The following ROCK1 variants were observed in gnomAD, a reference collection of about 807,000 sequenced individuals.
The protein encoded by ROCK1 is rho-associated protein kinase 1.
Under a neutral mutation model 196.8 loss-of-function variants are expected in ROCK1, and 36 were observed. The ratio of observed to expected loss-of-function variants is 0.18; its 90% confidence interval spans 0.14 to 0.24. ROCK1 has a LOEUF of 0.24. Ranked by LOEUF, ROCK1 falls within the 10% of genes least tolerant of loss-of-function variation. The pLI is 1.00. For synonymous variants in ROCK1, 443 were observed against 515.9 expected (o/e 0.86, Z 1.91); for missense variants, 920 against 1,562.0 (o/e 0.59, Z 6.93).
intron 7 of ROCK1, 134 bp downstream of exon 7, chr18:21,042,431 C>G: frequency 1.8e-6 from 2 of 1,086,690 alleles, no homozygotes; most frequent in East Asian, 2.6e-5. Context: ...ACATACGAAG[C>G]AGGTTTGGAT....
intron 12 of ROCK1, 69 bp from the exon 13 acceptor site, chr18:21,015,548 A>G: frequency 1.0e-6 from 1 of 976,700 alleles, no homozygotes; most frequent in Non-Finnish European, 1.6e-6. Flanking sequence ...AAACACTAAC[A>G]TTCCTTACTT....
Position 20,967,073 on chromosome 18 carries a change from A to G in ROCK1, c.3196T>C (p.Leu1066=), listed in dbSNP as rs141778124. 7.6e-5 allele frequency: 122 copies of G among 1,601,252 alleles called. No homozygotes were observed. Among genetic ancestry groups the G allele is most frequent in the Non-Finnish European group, 9.7e-5 (114 of 1,172,456 alleles). Residue 1066 remains leucine (L), a synonymous_variant, in exon 27 of 33, where the codon TTG becomes CTG. Coordinates refer to ENST00000399799, the MANE Select transcript of ROCK1 (RefSeq NM_005406.3). ...TTCCTATGTGCACATTCTTCTACCAATTGCTAATTTTGAAAAGTATCAAGA... is the reference window on the plus strand; with the variant it reads ...TTCCTATGTGCACATTCTTCTACCAGTTGCTAATTTTGAAAAGTATCAAGA... ...QKELNDMQAQ[L]VEECAHRNEL...
chr18:21,032,838 A>G (rs2036021455), intron 9 of ROCK1, among the ~76,000 whole-genome samples: 2 of 151,996 alleles, frequency 1.3e-5, no homozygotes, highest in South Asian at 2.1e-4. Context: ...GACAAATTAG[A>G]TAACTTAGAT....
chr18:21,043,458 A>C (rs114131782), intron 6 of ROCK1, among the ~76,000 whole-genome samples: 1,951 of 151,554 alleles, frequency 0.013, 39 homozygotes, highest in African/African-American at 0.045. Flanking sequence ...GTGTATATGA[A>C]GTGAAGGAAT....
intron 1 of ROCK1, among the ~76,000 whole-genome samples, chr18:21,081,937 T>C (rs1026167270): frequency 3.9e-5 from 6 of 152,146 alleles, no homozygotes; most frequent in African/African-American, 1.4e-4. Flanking sequence ...CAAACATTTA[T>C]GTATTTTTAT....
In ROCK1 at chr18:20,985,241, A is replaced by G. The variant is rs28628243; in HGVS notation, c.2305-706T>C. On this transcript the variant is annotated intron_variant, in intron 19 of 32. Transcript: ENST00000399799. ...TATTCAACTCAACAAATATTTCTGA[A>G]GTGTTTATTAGGTGTTGGGACCAAT... is the stretch of plus-strand genomic sequence containing the variant. Among the ~76,000 whole-genome samples the G allele has an allele frequency of 9.8e-3, 1,492 of 152,326 alleles. 19 individuals carry two copies. Among genetic ancestry groups the G allele is most frequent in the African/African-American group, 0.035 (1,436 of 41,572 alleles).
chr18:21,006,842 A>G lies in ROCK1; in HGVS notation c.1547-52T>C, dbSNP rs1029239871. ...AAATTACAACATTTTCATAGGGGAA[A>G]CATATAAATCCTTTTTTAAAAAAAG... On this transcript the variant is annotated intron_variant, in intron 14 of 32. Transcript: ENST00000399799. 4.9e-6 allele frequency: 6 copies of G among 1,225,364 alleles called. No individual in the cohort carries two copies. The African/African-American group carries it at 9.2e-5, about 19-fold the overall frequency. The allele number at this position is 1,225,364 out of a possible 1,614,324, so 75.9% of individuals were successfully genotyped here. A position where few individuals can be genotyped will look rare whatever the true frequency, so the allele number is the denominator to read the frequency against.
chr18:20,993,039 A>C, intron 16 of ROCK1, 102 bp from the exon 17 acceptor site: 1 of 644,104 alleles, frequency 1.6e-6, no homozygotes, highest in East Asian at 2.8e-5. Context: ...TAATGTATTA[A>C]GTTTCCTGAT....
chr18:21,052,563 G>A (rs1568395828), intron 2 of ROCK1, among the ~76,000 whole-genome samples: 1 of 152,124 alleles, frequency 6.6e-6, no homozygotes, highest in Non-Finnish European at 1.5e-5. Context: ...CCGGTTCATG[G>A]CCTATTAGGA....
At chr18:21,081,284 T>C (rs563663549) in intron 1 of ROCK1, among the ~76,000 whole-genome samples, 2 of 152,176 alleles carry the variant, frequency 1.3e-5, no homozygotes, top group Admixed American at 6.5e-5. Flanking sequence ...GAAAAAATCA[T>C]TGGGAAATTA....
At position 20,993,223 on chromosome 18, in the gene ROCK1, A is replaced by T. The variant is rs553068360; in HGVS notation, c.1886-286T>A. Among the ~76,000 whole-genome samples the T allele has an allele frequency of 3.9e-5, 6 of 152,122 alleles. No individual in the cohort carries two copies. In the South Asian group the frequency reaches 1.2e-3, roughly 31 times the overall value. ...GTCCTTACTGAGTGCTTTTTTTTTG[A>T]GACGGAGTCTCGCTCTGTTGCCCAG... On this transcript the variant is annotated intron_variant, in intron 16 of 32. Transcript: ENST00000399799.
At chr18:21,070,676 G>T (rs1228507964) in intron 1 of ROCK1, 63 bp from the exon 2 acceptor site, 5 of 1,027,314 alleles carry the variant, frequency 4.9e-6, no homozygotes, top group East Asian at 2.6e-5. Flanking sequence ...CCTTTTTTAT[G>T]AAAGAATAAA....
chr18:21,032,555 C>T (rs950177370), intron 9 of ROCK1, among the ~76,000 whole-genome samples: 2 of 144,806 alleles, frequency 1.4e-5, no homozygotes, highest in African/African-American at 5.2e-5. Context: ...CCCAGGAGTG[C>T]ATTGCACTAC....
intron 1 of ROCK1, among the ~76,000 whole-genome samples, chr18:21,103,394 T>G (rs2036676175): frequency 6.6e-6 from 1 of 152,066 alleles, no homozygotes; most frequent in Non-Finnish European, 1.5e-5. Flanking sequence ...CAAAGACAAT[T>G]TTTTGAAGTT....
chr18:21,019,578 G>A (rs1455508207), intron 12 of ROCK1, among the ~76,000 whole-genome samples: 2 of 152,074 alleles, frequency 1.3e-5, no homozygotes, highest in East Asian at 1.9e-4. Flanking sequence ...CAGATCACGA[G>A]GTCAGGAGAT....
intron 2 of ROCK1, among the ~76,000 whole-genome samples, chr18:21,062,043 C>T (rs2143538029): frequency 6.6e-6 from 1 of 152,288 alleles, no homozygotes; most frequent in African/African-American, 2.4e-5. Context: ...TGTGTATAGT[C>T]ACAGGCTGGT....
intron 6 of ROCK1, among the ~76,000 whole-genome samples, chr18:21,043,234 C>G (rs1210190282): frequency 6.6e-6 from 1 of 152,024 alleles, no homozygotes; most frequent in Non-Finnish European, 1.5e-5. Flanking sequence ...CATACAAAAG[C>G]TGACTGTACA....
At chr18:21,000,189 C>CA (rs1481826229) in intron 16 of ROCK1, among the ~76,000 whole-genome samples, 1 of 151,734 alleles carries the variant, frequency 6.6e-6, no homozygotes, top group Non-Finnish European at 1.5e-5. Flanking sequence ...GGCATAAGGA[C>CA]AAACACACAG....
At chr18:21,068,075 G>A (rs1267623366) in intron 2 of ROCK1, among the ~76,000 whole-genome samples, 3 of 151,958 alleles carry the variant, frequency 2.0e-5, no homozygotes, top group African/African-American at 4.8e-5. Context: ...TTTAAATTTC[G>A]ATAAGTCTAA....
Sources: gnomAD v4.1 joint callset for allele counts (sites outside exome capture counted in the v4.1 genomes callset) on GRCh38, gnomAD v4.1.1 for gene constraint, MANE v1.5 for transcripts, NCBI Gene and HGNC (gene_info 2026-07-23, HGNC 2026-07-21) for gene names.